Variants in MSR1 observed in about 807,000 individuals in gnomAD.
MSR1 encodes the protein macrophage scavenger receptor 1.
Under a neutral mutation model 47.2 loss-of-function variants are expected in MSR1, and 53 were observed. The observed-to-expected ratio is 1.12, with a 90% CI of 0.90 to 1.41. MSR1 has a LOEUF of 1.41. MSR1 is among the 40% of genes most tolerant of loss of function. The probability of loss-of-function intolerance (pLI) is 0.00; values close to 1 mark genes in which losing one functional copy is unlikely to be tolerated. For synonymous variants in MSR1, 239 were observed against 185.6 expected, an observed-to-expected ratio of 1.29 and a Z score of -2.34; for missense variants, 786 against 546.9, an observed-to-expected ratio of 1.44 and a Z score of -4.36.
rs1800625205 is a variant in MSR1 at position 16,143,749 on chromosome 8, T to G, written c.980-138A>C. 3 of 667,520 alleles carry G rather than the reference T, an allele frequency of 4.5e-6. No individual in the cohort carries two copies. The East Asian group carries it at 8.2e-5, about 18-fold the overall frequency. 41.3% of individuals were successfully genotyped at this position (667,520 alleles called of 1,614,324 possible). ...TGAAATGTATAATAACATTGTATAA[T>G]GTTAACAATAATAATAGTTATTACT... is the stretch of plus-strand genomic sequence containing the variant. On this transcript the variant is annotated intron_variant, in intron 7 of 9. Transcript: ENST00000262101.
At chr8:16,160,659 G>A (rs1488864027) in intron 5 of MSR1, among the ~76,000 whole-genome samples, 1 of 151,990 alleles carries the variant, frequency 6.6e-6, no homozygotes, top group Non-Finnish European at 1.5e-5. Flanking sequence ...GGTGGAAAGT[G>A]GAGGAGGTAA....
intron 8 of MSR1, chr8:16,140,972 C>G: frequency 6.2e-7 from 1 of 1,613,900 alleles, no homozygotes; most frequent in Non-Finnish European, 8.5e-7. Context: ...GAGATGGTAG[C>G]AGAGGATGTC....
chr8:16,166,097 G>T (rs1425377715), intron 4 of MSR1, among the ~76,000 whole-genome samples: 1 of 150,444 alleles, frequency 6.6e-6, no homozygotes, highest in Non-Finnish European at 1.5e-5. Context: ...CAGTGATTTT[G>T]CTTCCTAGAA....
chr8:16,119,770 T>G lies in MSR1; in HGVS notation c.1222+648A>C, dbSNP rs76348749. On this transcript the variant is annotated intron_variant, in intron 9 of 9. Coordinates refer to ENST00000262101, the MANE Select transcript of MSR1 (RefSeq NM_138715.3). ...TCACCCAGGCTGGAGTGCAGCAGCGTGACCATAGCTCATGTAACCTGGAAC... is the reference window on the plus strand; with the variant it reads ...TCACCCAGGCTGGAGTGCAGCAGCGGGACCATAGCTCATGTAACCTGGAAC... Among the ~76,000 whole-genome samples, 1,282 of 151,930 alleles carry G rather than the reference T, an allele frequency of 8.4e-3. 13 individuals are homozygous for G. The highest frequency in any genetic ancestry group is 0.013 in the Non-Finnish European group (876 of 67,928).
At chr8:16,127,206 T>G (rs1336663013) in intron 8 of MSR1, among the ~76,000 whole-genome samples, 4 of 152,154 alleles carry the variant, frequency 2.6e-5, no homozygotes, top group African/African-American at 9.6e-5. Flanking sequence ...AATATCTGTG[T>G]GTCATGTCCA....
chr8:16,187,558 G>C (rs1239941598), intron 1 of MSR1, among the ~76,000 whole-genome samples: 1 of 151,778 alleles, frequency 6.6e-6, no homozygotes, highest in Admixed American at 6.6e-5. Context: ...TCTCATCCAA[G>C]CCAGATCCAT....
At chr8:16,165,497 C>T (rs1462389509) in intron 4 of MSR1, among the ~76,000 whole-genome samples, 1 of 152,070 alleles carries the variant, frequency 6.6e-6, no homozygotes, top group African/African-American at 2.4e-5. Flanking sequence ...ATGTTCTCAT[C>T]TATTCTGGTA....
chr8:16,130,515 T>A (rs78053415), intron 8 of MSR1, among the ~76,000 whole-genome samples: 1 of 152,166 alleles, frequency 6.6e-6, no homozygotes, highest in Non-Finnish European at 1.5e-5. Context: ...CAGGCGTACC[T>A]GTGAAGGTTG....
intron 3 of MSR1, among the ~76,000 whole-genome samples, chr8:16,174,017 G>T (rs1801566945): frequency 6.6e-6 from 1 of 152,170 alleles, no homozygotes; most frequent in African/African-American, 2.4e-5. Flanking sequence ...GGAGACAAGA[G>T]ACCAGAGTAA....
intron 1 of MSR1, among the ~76,000 whole-genome samples, chr8:16,180,560 C>T (rs1441167248): frequency 1.3e-5 from 2 of 152,154 alleles, no homozygotes; most frequent in Non-Finnish European, 2.9e-5. Context: ...CCAACATCTT[C>T]TGATCATTTC....
rs35107100 is a variant in MSR1, at chr8:16,168,992, G to C, written c.218-122C>G. 3.3e-5 allele frequency: 33 copies of C among 990,214 alleles called. No homozygotes were observed. The East Asian group carries it at 7.4e-4, about 22-fold the overall frequency. 61.3% of individuals were successfully genotyped at this position (990,214 alleles called of 1,614,324 possible). A position where few individuals can be genotyped will look rare whatever the true frequency, so the allele number is the denominator to read the frequency against. On this transcript the variant is annotated intron_variant, in intron 3 of 9. Coordinates refer to ENST00000262101, the MANE Select transcript of MSR1 (RefSeq NM_138715.3). ...TTCCATTCCAACATTTTGAATGCTA[G>C]GCTAAATCGAGTATTTTTTTTTAAT...
intron 8 of MSR1, among the ~76,000 whole-genome samples, chr8:16,138,229 A>G (rs1356200065): frequency 6.6e-6 from 1 of 152,154 alleles, no homozygotes; most frequent in Non-Finnish European, 1.5e-5. Flanking sequence ...GAGAAATACT[A>G]CCAAACCACA....
chr8:16,171,292 T>C (rs1801480642), intron 3 of MSR1, among the ~76,000 whole-genome samples: 1 of 151,650 alleles, frequency 6.6e-6, no homozygotes, highest in South Asian at 2.1e-4. Flanking sequence ...TATTATTACA[T>C]TAAGAGTGTC....
rs1173624006 is a variant in MSR1 at position 16,152,925 on chromosome 8, A to T, written c.898+2139T>A. Among the ~76,000 whole-genome samples the T allele has an allele frequency of 2.0e-5, 3 of 152,232 alleles. No homozygotes were observed. The East Asian group carries it at 5.8e-4, about 29-fold the overall frequency. On this transcript the variant is annotated intron_variant, in intron 6 of 9. Transcript: ENST00000262101. Reference sequence around the variant, plus strand: ...GCACATAGTTTTTGAGTGAAAAGTGATAGGTCATTCTCCCTAGCATGCTTT... The same window carrying T: ...GCACATAGTTTTTGAGTGAAAAGTGTTAGGTCATTCTCCCTAGCATGCTTT...
chr8:16,117,497 T>G (rs577115532), intron 9 of MSR1, among the ~76,000 whole-genome samples: 1 of 152,182 alleles, frequency 6.6e-6, no homozygotes, highest in Admixed American at 6.5e-5. Flanking sequence ...GGCTTTAGAG[T>G]CGAAAGTGAG....
chr8:16,164,997 G>A (rs923882642), intron 4 of MSR1, among the ~76,000 whole-genome samples: 14 of 151,984 alleles, frequency 9.2e-5, no homozygotes, highest in African/African-American at 3.1e-4. Flanking sequence ...CAGTAATTTA[G>A]TGGAATTGAA....
At chr8:16,144,431 T>C (rs1226589226) in intron 7 of MSR1, among the ~76,000 whole-genome samples, 1 of 152,148 alleles carries the variant, frequency 6.6e-6, no homozygotes, top group Non-Finnish European at 1.5e-5. Flanking sequence ...CTGATCCTAG[T>C]GCTCTCTGTC....
chr8:16,110,470 AAAAGT>A (rs1799732609), intron 9 of MSR1, among the ~76,000 whole-genome samples: 1 of 152,148 alleles, frequency 6.6e-6, no homozygotes, highest in Non-Finnish European at 1.5e-5. Flanking sequence ...ACAGTTCTAT[AAAAGT>A]AGAGATTAAG....
At chr8:16,162,939 C>A (rs569957288) in intron 5 of MSR1, among the ~76,000 whole-genome samples, 1 of 151,192 alleles carries the variant, frequency 6.6e-6, no homozygotes, top group East Asian at 2.0e-4. Context: ...ACTAAGTTCT[C>A]GATTAAAAAA....
Sources: allele counts gnomAD v4.1 joint callset (sites outside exome capture counted in the v4.1 genomes callset), GRCh38; gene constraint gnomAD v4.1.1; transcripts MANE v1.5; gene names NCBI Gene and HGNC (gene_info 2026-07-23, HGNC 2026-07-21).